PNISR: variants seen among roughly 807,000 people sequenced by gnomAD.
PNISR encodes arginine/serine-rich protein PNISR.
In PNISR, 20 loss-of-function variants were observed where a neutral mutation model predicts 93.4. That is an observed-to-expected ratio of 0.21 (90% CI 0.15 to 0.31). The LOEUF is 0.31. PNISR is among the 10% of genes least tolerant of loss of function. The pLI is 1.00. For synonymous variants in PNISR, 305 were observed against 306.5 expected (o/e 0.99, Z 0.05); for missense variants, 893 against 985.4 (o/e 0.91, Z 1.25).
intron 11 of PNISR, 89 bp from the exon 12 acceptor site, chr6:99,401,719 G>C (rs1775522957): frequency 2.0e-6 from 2 of 986,060 alleles, no homozygotes; most frequent in African/African-American, 1.6e-5. Context: ...TGTAACAATA[G>C]AACACCATTT....
At chr6:99,417,479 T>C (rs762453956) in intron 1 of PNISR, among the ~76,000 whole-genome samples, 42 of 152,146 alleles carry the variant, frequency 2.8e-4, no homozygotes, top group Non-Finnish European at 4.9e-4. Flanking sequence ...CTCTAACCCT[T>C]GGTTTTCCAA....
intron 9 of PNISR, 194 bp downstream of exon 9, chr6:99,404,409 G>A (rs1775879149): frequency 8.3e-6 from 5 of 602,680 alleles, no homozygotes; most frequent in Admixed American, 7.6e-5. Context: ...TTGTACTCAT[G>A]TAGGTCAGAT....
intron 2 of PNISR, chr6:99,415,385 A>C (rs1346369002): frequency 6.6e-6 from 1 of 152,198 alleles, no homozygotes; most frequent in Non-Finnish European, 1.5e-5. Flanking sequence ...AAATCCAGAA[A>C]GTAAGACAGC....
rs998249365 is a variant in PNISR, at chr6:99,404,366, T to A, written c.1102+237A>T. ...ACTGAACACCTGGAATTTTCCACAA[T>A]ACATTTTAGAGGAAAACAGCATGAT... On this transcript the variant is annotated intron_variant, in intron 9 of 11. Coordinates refer to ENST00000369239, the MANE Select transcript of PNISR (RefSeq NM_032870.4). 4 of 499,146 alleles carry A rather than the reference T, an allele frequency of 8.0e-6. No individual in the cohort carries two copies. In the East Asian group the frequency reaches 1.2e-4, roughly 14 times the overall value. 30.9% of individuals were successfully genotyped at this position (499,146 alleles called of 1,614,324 possible).
chr6:99,400,440 A>G lies in PNISR; in HGVS notation c.*100T>C. ...AGACTATGATTATTTATCAAGTACC[A>G]AACTGAGTTTATTAAAGAGAGAGAG... On this transcript the variant is annotated 3_prime_UTR_variant, in exon 12 of 12. Coordinates refer to ENST00000369239, the MANE Select transcript of PNISR (RefSeq NM_032870.4). The G allele has an allele frequency of 5.5e-6, 8 of 1,460,384 alleles. No homozygotes were observed. The highest frequency in any genetic ancestry group is 7.2e-6 in the Non-Finnish European group (8 of 1,104,990). The allele number at this position is 1,460,384 out of a possible 1,614,324, so 90.5% of individuals were successfully genotyped here. A position where few individuals can be genotyped will look rare whatever the true frequency, so the allele number is the denominator to read the frequency against.
chr6:99,412,864 G>A (rs946430931), intron 3 of PNISR, 125 bp from the exon 4 acceptor site: 1 of 570,458 alleles, frequency 1.8e-6, no homozygotes, highest in Non-Finnish European at 2.8e-6. Flanking sequence ...GAGGGTATGA[G>A]GGAAATTAGA....
rs953941473 is a variant in PNISR, at chr6:99,410,761, C to A, written c.481G>T (p.Val161Leu). Reference sequence around the variant, plus strand: ...TTCACCTGATAGTCAAACTGGTTCACTGGCCCCACTGCAAAATTATCGGGT... The same window carrying A: ...TTCACCTGATAGTCAAACTGGTTCAATGGCCCCACTGCAAAATTATCGGGT... ...GPPDNFAVGP[V>L]NQFDYQHGAA... is the part of the protein sequence containing the mutation. Residue 161 changes from valine to leucine, a missense_variant, in exon 5 of 12, where the codon GTG (valine) becomes TTG (leucine). Val to Leu is a conservative substitution (Grantham distance 32). Around this residue, in one of 3 missense-constraint regions of PNISR, gnomAD observed 866 missense variants for 935.1 expected, o/e 0.93. Transcript: ENST00000369239. 1 of 1,613,540 alleles carries A rather than the reference C, an allele frequency of 6.2e-7. No individual in the cohort carries two copies. The highest frequency in any genetic ancestry group is 8.5e-7 in the Non-Finnish European group (1 of 1,179,642).
intron 1 of PNISR, among the ~76,000 whole-genome samples, chr6:99,421,025 T>C (rs1332914672): frequency 6.6e-6 from 1 of 152,236 alleles, no homozygotes; most frequent in African/African-American, 2.4e-5. Context: ...CATTCCAATA[T>C]TGCTACTGTG....
At chr6:99,407,069 C>A (rs1406374484) in intron 7 of PNISR, among the ~76,000 whole-genome samples, 1 of 151,920 alleles carries the variant, frequency 6.6e-6, no homozygotes, top group East Asian at 1.9e-4. Flanking sequence ...TCTGTAATCC[C>A]AGCACTTTGG....
chr6:99,416,042 T>G (rs1337439988), intron 2 of PNISR: 1 of 185,674 alleles, frequency 5.4e-6, no homozygotes, highest in Non-Finnish European at 1.1e-5. Flanking sequence ...CAAGTTACAC[T>G]AATGTAATCA....
intron 9 of PNISR, 125 bp from the exon 10 acceptor site, chr6:99,404,007 A>G: frequency 1.6e-6 from 1 of 635,376 alleles, no homozygotes; most frequent in Non-Finnish European, 2.8e-6. Context: ...AGAAACATTA[A>G]AAACATAACA....
At chr6:99,417,549 A>T (rs1777859812) in intron 1 of PNISR, among the ~76,000 whole-genome samples, 1 of 152,244 alleles carries the variant, frequency 6.6e-6, no homozygotes, top group African/African-American at 2.4e-5. Flanking sequence ...GGATTAAATA[A>T]GAAACACATA....
intron 5 of PNISR, 46 bp from the exon 6 acceptor site, chr6:99,409,390 T>C: frequency 6.4e-7 from 1 of 1,561,526 alleles, no homozygotes; most frequent in Non-Finnish European, 8.8e-7. Context: ...TAATACAATA[T>C]ACTCTCTGGG....
At chr6:99,402,836 G>A (rs779235281) in intron 10 of PNISR, 126 bp from the exon 11 acceptor site, 8 of 653,700 alleles carry the variant, frequency 1.2e-5, no homozygotes, top group South Asian at 5.6e-5. Flanking sequence ...ACGCTTATTC[G>A]GGGTGGGGAG....
intron 3 of PNISR, among the ~76,000 whole-genome samples, chr6:99,413,413 TCC>T (rs1777233368): frequency 6.6e-6 from 1 of 151,638 alleles, no homozygotes; most frequent in African/African-American, 2.4e-5. Flanking sequence ...CATCCATCCA[TCC>T]ATCCATCCAT....
chr6:99,415,643 G>C (rs1777580679), intron 2 of PNISR: 1 of 152,132 alleles, frequency 6.6e-6, no homozygotes. Context: ...CACATAACCA[G>C]GGCATGGTTT....
At chr6:99,411,792 T>TG (rs1199381816) in intron 4 of PNISR, 1 of 147,390 alleles carries the variant, frequency 6.8e-6, no homozygotes, top group African/African-American at 2.6e-5. Context: ...GTTTTAAGGT[T>TG]TTTTTTTTTT....
chr6:99,408,577 G>A (rs1232022847), intron 6 of PNISR, among the ~76,000 whole-genome samples: 1 of 152,050 alleles, frequency 6.6e-6, no homozygotes, highest in African/African-American at 2.4e-5. Context: ...AGTTAAAAAA[G>A]GAGTAAAGTT....
In PNISR at chr6:99,418,184, C is replaced by T. The variant is rs1229933348; in HGVS notation, c.-111-1756G>A. 2.0e-5 allele frequency among the ~76,000 whole-genome samples: 3 copies of T among 151,820 alleles called. No homozygotes were observed. The East Asian group carries it at 5.8e-4, about 29-fold the overall frequency. On this transcript the variant is annotated intron_variant, in intron 1 of 11. Transcript: ENST00000369239. ...AGGCAGTCTCGCTCTGTCGCCCAGG[C>T]TGGAGTGCAGTGGTGCAGTCTGGGC... is the stretch of plus-strand genomic sequence containing the variant.
Sources: gnomAD v4.1 joint callset for allele counts (sites outside exome capture counted in the v4.1 genomes callset) on GRCh38, gnomAD v4.1.1 for gene constraint, gnomAD v4.1.1 regional missense constraint, MANE v1.5 for transcripts, NCBI Gene and HGNC (gene_info 2026-07-23, HGNC 2026-07-21) for gene names.